KAZN: variants seen among roughly 807,000 people sequenced by gnomAD.
The protein encoded by KAZN is kazrin, periplakin interacting protein.
Under a neutral mutation model 87.4 loss-of-function variants are expected in KAZN, and 40 were observed. The observed-to-expected ratio is 0.46, with a 90% CI of 0.36 to 0.60. KAZN has a LOEUF of 0.60. Ranked by LOEUF, KAZN falls within the 20% of genes least tolerant of loss-of-function variation. The pLI, the probability that KAZN is intolerant of heterozygous loss-of-function variation, is 0.00. For missense variants in KAZN, 898 were observed against 1,073.9 expected (o/e 0.84, Z 2.29); for synonymous variants, 466 against 458.3 (o/e 1.02, Z -0.22).
At chr1:14,017,044 C>A (rs974297912) in intron 1 of KAZN, among the ~76,000 whole-genome samples, 2 of 152,164 alleles carry the variant, frequency 1.3e-5, no homozygotes, top group Admixed American at 1.3e-4. Context: ...GAGTTGGCAG[C>A]GATTCTGGTC....
In KAZN at chr1:15,066,083, G is replaced by C. The variant is rs899974963; in HGVS notation, c.1222+330G>C. 1.7e-6 allele frequency: 2 copies of C among 1,160,784 alleles called. No homozygotes were observed. The highest frequency in any genetic ancestry group is 1.6e-5 in the African/African-American group (1 of 63,072). 71.9% of individuals were successfully genotyped at this position (1,160,784 alleles called of 1,614,324 possible). A position where few individuals can be genotyped will look rare whatever the true frequency, so the allele number is the denominator to read the frequency against. On this transcript the variant is annotated intron_variant, in intron 8 of 14. Coordinates refer to ENST00000376030, the MANE Select transcript of KAZN (RefSeq NM_201628.3). This position sits in a 1 kb window ranked among gnomAD's most constrained non-coding sequence, Gnocchi z 4.3. ...GCGATACAGTTGTGTTGTTAATCTG[G>C]TTTATTATTTTTCTTCAGTGTTTGG...
At chr1:14,422,909 T>G (rs1665515067) in intron 2 of KAZN, among the ~76,000 whole-genome samples, 2 of 152,262 alleles carry the variant, frequency 1.3e-5, no homozygotes, top group Non-Finnish European at 2.9e-5. Flanking sequence ...TCAGCTCTAT[T>G]TGACTTCTAA....
At chr1:14,668,016 T>C (rs1639677564) in intron 1 of KAZN, among the ~76,000 whole-genome samples, 1 of 152,128 alleles carries the variant, frequency 6.6e-6, no homozygotes, top group Non-Finnish European at 1.5e-5. Context: ...GATGTGACTG[T>C]TGCTCAGATA....
chr1:14,798,416 CTTTTT>C (rs545959773), intron 1 of KAZN, among the ~76,000 whole-genome samples: 5 of 88,148 alleles, frequency 5.7e-5, no homozygotes, highest in African/African-American at 2.3e-4. Flanking sequence ...TGTTTCTTTC[CTTTTT>C]TTTTTTTTTT....
intron 1 of KAZN, among the ~76,000 whole-genome samples, chr1:14,803,172 TGC>T (rs1646095536): frequency 8.0e-6 from 1 of 125,408 alleles, no homozygotes; most frequent in Non-Finnish European, 1.6e-5. Context: ...TCCCTTCATC[TGC>T]GCAGTGTCTG....
intron 8 of KAZN, among the ~76,000 whole-genome samples, chr1:15,090,792 G>C (rs769450432): frequency 2.0e-5 from 3 of 152,216 alleles, no homozygotes; most frequent in Non-Finnish European, 2.9e-5. Context: ...GAGTCCTCAC[G>C]GCAGCCCACA....
At chr1:14,069,160 C>T (rs1270528432) in intron 1 of KAZN, among the ~76,000 whole-genome samples, 2 of 152,152 alleles carry the variant, frequency 1.3e-5, no homozygotes, top group Admixed American at 6.5e-5. Flanking sequence ...ATTACTGACC[C>T]AGGAGCTAAT....
At chr1:14,304,690 T>C (rs1176429122) in intron 2 of KAZN, 1 of 398,236 alleles carries the variant, frequency 2.5e-6, no homozygotes, top group Non-Finnish European at 4.4e-6. Context: ...TTCCCAGGGG[T>C]ACATCTGAGT....
rs1204702915 is a variant in KAZN at position 14,396,135 on chromosome 1, T to C, written c.250-202848T>C. On this transcript the variant is annotated intron_variant, in intron 2 of 16. Coordinates refer to the KAZN transcript ENST00000636203. ...GTGAGCCGAGACCGCACCACTGCTC[T>C]CCAGCCTGAGCGACAAGAGCAAGAC... Among the ~76,000 whole-genome samples, 3 of 136,972 alleles carry C rather than the reference T, an allele frequency of 2.2e-5. No homozygotes were observed. In the Admixed American group the frequency reaches 2.4e-4, roughly 11 times the overall value. 89.9% of individuals were successfully genotyped at this position (136,972 alleles called of 152,430 possible). A position where few individuals can be genotyped will look rare whatever the true frequency, so the allele number is the denominator to read the frequency against.
upstream of KAZN, among the ~76,000 whole-genome samples, chr1:14,595,847 C>CG (rs1429417140): frequency 6.6e-6 from 1 of 151,850 alleles, no homozygotes; most frequent in Admixed American, 6.6e-5. Context: ...GGAAAAAGCC[C>CG]CTTTTTTTCA....
chr1:14,388,038 C>T lies in KAZN; in HGVS notation c.249+207446C>T, dbSNP rs187787358. Among the ~76,000 whole-genome samples the T allele has an allele frequency of 4.8e-3, 725 of 152,252 alleles. 3 individuals carry two copies. Among genetic ancestry groups the T allele is most frequent in the African/African-American group, 0.017 (692 of 41,524 alleles). ...CTGGTGTGCCGTTTTTTAAGCCCAT[C>T]GGAAAAGCGCAGTATTCGGGTGGGA... On this transcript the variant is annotated intron_variant, in intron 2 of 16. Transcript: ENST00000636203.
intron 2 of KAZN, among the ~76,000 whole-genome samples, chr1:14,993,632 A>T (rs1667576181): frequency 6.6e-6 from 1 of 151,768 alleles, no homozygotes; most frequent in South Asian, 2.1e-4. Flanking sequence ...TGCTGCCTCG[A>T]CTCTCGTCTG....
chr1:14,654,405 G>A (rs941026044), intron 1 of KAZN, among the ~76,000 whole-genome samples: 14 of 152,092 alleles, frequency 9.2e-5, no homozygotes, highest in Admixed American at 2.6e-4. Flanking sequence ...ACAGTCAGCC[G>A]CAGGTAGAGA....
chr1:14,466,068 A>G (rs1033718933), intron 2 of KAZN, among the ~76,000 whole-genome samples: 2 of 152,226 alleles, frequency 1.3e-5, no homozygotes, highest in Non-Finnish European at 2.9e-5. Flanking sequence ...TTAGGTAAAT[A>G]GGAAGCTATA....
rs190525765 is a variant in KAZN, at chr1:13,981,719, C to T, written c.91+87963C>T. 2.1e-4 allele frequency among the ~76,000 whole-genome samples: 32 copies of T among 152,252 alleles called. 1 individual carries two copies. The highest frequency in any genetic ancestry group is 2.1e-3 in the South Asian group (10 of 4,814). On this transcript the variant is annotated intron_variant, in intron 1 of 16. Coordinates refer to the KAZN transcript ENST00000636203. ...CTCATGTGAGAACTTTCACCTCCAG[C>T]GTATGAATGAAAGAGAGGTCAGGGA...
At chr1:13,929,896 A>G (rs1017810845) in intron 1 of KAZN, among the ~76,000 whole-genome samples, 1 of 152,148 alleles carries the variant, frequency 6.6e-6, no homozygotes, top group African/African-American at 2.4e-5. Context: ...TTATTGTTAT[A>G]TCCATTTGAT....
At chr1:14,517,065 C>T (rs1671337363) in intron 2 of KAZN, among the ~76,000 whole-genome samples, 1 of 152,104 alleles carries the variant, frequency 6.6e-6, no homozygotes. Context: ...GACCCAACCC[C>T]TTGGATGCAA....
chr1:14,077,861 G>A (rs186909437), intron 1 of KAZN, among the ~76,000 whole-genome samples: 1 of 152,264 alleles, frequency 6.6e-6, no homozygotes, highest in Non-Finnish European at 1.5e-5. Flanking sequence ...AATGGAGGCA[G>A]GGATTGGAGT....
intron 1 of KAZN, among the ~76,000 whole-genome samples, chr1:14,656,605 G>A (rs77142528): frequency 0.034 from 5,136 of 152,314 alleles, 118 homozygotes; most frequent in Middle Eastern, 0.071. Context: ...CAGTAAGCAC[G>A]GCTGGGGAAG....
Sources: gnomAD v4.1 joint callset for allele counts (sites outside exome capture counted in the v4.1 genomes callset) on GRCh38, gnomAD v4.1.1 for gene constraint, Gnocchi (gnomAD v3.1) non-coding constraint, MANE v1.5 for transcripts, NCBI Gene and HGNC (gene_info 2026-07-23, HGNC 2026-07-21) for gene names.